Variants in FRAS1 observed in about 807,000 individuals in gnomAD.
FRAS1 encodes the protein Fraser extracellular matrix complex subunit 1, also known as extracellular matrix organizing protein FRAS1.
Under a neutral mutation model 435.2 loss-of-function variants are expected in FRAS1, and 290 were observed. The observed-to-expected ratio is 0.67, with a 90% CI of 0.61 to 0.73. The LOEUF (loss-of-function observed/expected upper bound fraction) is 0.73. FRAS1 is among the 30% of genes least tolerant of loss of function. The pLI is 0.00. For synonymous variants in FRAS1, 1,800 were observed against 1,851.0 expected, an observed-to-expected ratio of 0.97 and a Z score of 0.71; for missense variants, 4,860 against 5,001.5, an observed-to-expected ratio of 0.97 and a Z score of 0.85.
intron 50 of FRAS1, 51 bp downstream of exon 50, chr4:78,466,486 C>A: frequency 2.2e-6 from 3 of 1,333,710 alleles, no homozygotes; most frequent in Admixed American, 3.8e-5. Context: ...ATGGCAGAGG[C>A]AGAACATGGA....
rs373158280 is a variant in FRAS1 at position 78,157,385 on chromosome 4, T to C, written c.109-80125T>C. ...CAAGTGGTAGTTTTATTTTTAGTTC[T>C]TTAGAAATTTCCAAATGCTTTCCAT... is the stretch of plus-strand genomic sequence containing the variant. On this transcript the variant is annotated intron_variant, in intron 2 of 73. Transcript: ENST00000512123. 5.9e-5 allele frequency among the ~76,000 whole-genome samples: 9 copies of C among 152,348 alleles called. No homozygotes were observed. In the East Asian group the frequency reaches 1.2e-3, roughly 20 times the overall value.
intron 47 of FRAS1, among the ~76,000 whole-genome samples, chr4:78,463,274 A>G (rs542847717): frequency 7.9e-5 from 12 of 152,268 alleles, no homozygotes; most frequent in African/African-American, 2.9e-4. Flanking sequence ...TTTCTTTCAA[A>G]TTTTTTGTTT....
chr4:78,082,984 C>T lies in FRAS1; in HGVS notation c.108+16968C>T, dbSNP rs140673002. Among the ~76,000 whole-genome samples, 345 of 152,178 alleles carry T rather than the reference C, an allele frequency of 2.3e-3. 3 individuals carry two copies. The highest frequency in any genetic ancestry group is 7.7e-3 in the African/African-American group (318 of 41,522). ...AGAACATTAGACTGCATGGAGTCAG[C>T]ACAGATGAGACATAGGCTTTCCTTT... On this transcript the variant is annotated intron_variant, in intron 2 of 73. Coordinates refer to ENST00000512123, the MANE Select transcript of FRAS1 (RefSeq NM_025074.7).
intron 18 of FRAS1, among the ~76,000 whole-genome samples, chr4:78,331,038 C>T (rs2110255740): frequency 1.3e-5 from 2 of 152,282 alleles, no homozygotes; most frequent in East Asian, 3.9e-4. Context: ...CTCTTTTGTA[C>T]TCTGTCCCTT....
At chr4:78,333,133 T>C in intron 18 of FRAS1, 139 bp from the exon 19 acceptor site, 1 of 885,800 alleles carries the variant, frequency 1.1e-6, no homozygotes, top group Non-Finnish European at 1.6e-6. Context: ...GTGTGTGAGA[T>C]GTGCAGCCTG....
At chr4:78,344,586 A>ATTTTTTT (rs112149675) in intron 20 of FRAS1, among the ~76,000 whole-genome samples, 15 of 141,688 alleles carry the variant, frequency 1.1e-4, no homozygotes, top group African/African-American at 4.0e-4. Flanking sequence ...CTCAAGAATG[A>ATTTTTTT]TTTTTTTTTT....
At chr4:78,449,074 T>A (rs1166481635) in intron 44 of FRAS1, among the ~76,000 whole-genome samples, 1 of 152,240 alleles carries the variant, frequency 6.6e-6, no homozygotes, top group African/African-American at 2.4e-5. Flanking sequence ...ATCCTACTTA[T>A]AAGCTAATAA....
chr4:78,381,112 T>C (rs1872265), intron 27 of FRAS1, among the ~76,000 whole-genome samples: 95,792 of 151,500 alleles, frequency 0.63, 30,403 homozygotes, highest in African/African-American at 0.66. Context: ...GATTCCACAA[T>C]GCATGCCTTT....
intron 14 of FRAS1, among the ~76,000 whole-genome samples, chr4:78,304,088 G>A (rs1027142503): frequency 4.0e-5 from 6 of 150,034 alleles, no homozygotes; most frequent in African/African-American, 1.5e-4. Flanking sequence ...TTTGTCAAAG[G>A]CCTTTTCTGC....
At chr4:78,122,135 A>G (rs759555777) in intron 2 of FRAS1, among the ~76,000 whole-genome samples, 5 of 151,534 alleles carry the variant, frequency 3.3e-5, no homozygotes, top group Non-Finnish European at 7.4e-5. Flanking sequence ...CTAGCCCCCC[A>G]TCCCCCACAG....
At chr4:78,151,444 T>C (rs72860663) in intron 2 of FRAS1, among the ~76,000 whole-genome samples, 3,594 of 152,264 alleles carry the variant, frequency 0.024, 148 homozygotes, top group African/African-American at 0.081. Flanking sequence ...TCATCATTAG[T>C]AGTTAGTTGT....
At chr4:78,267,126 G>A (rs776288154) in intron 8 of FRAS1, 115 bp from the exon 9 acceptor site, 77 of 1,101,736 alleles carry the variant, frequency 7.0e-5, no homozygotes, top group South Asian at 1.9e-4. Flanking sequence ...ATCGTGGGTC[G>A]GGCCAGAGAA....
intron 2 of FRAS1, among the ~76,000 whole-genome samples, chr4:78,149,017 G>A (rs1202030709): frequency 1.3e-5 from 2 of 152,122 alleles, no homozygotes; most frequent in African/African-American, 4.8e-5. Flanking sequence ...TTTGGGGAGA[G>A]CTATTTCAAT....
intron 2 of FRAS1, 103 bp from the exon 3 acceptor site, chr4:78,237,407 T>C (rs1236211458): frequency 1.3e-6 from 1 of 757,814 alleles, no homozygotes; most frequent in Non-Finnish European, 2.3e-6. Context: ...GACTTTTCTT[T>C]GTCTTGTAAT....
At chr4:78,451,014 C>A (rs935785748) in intron 45 of FRAS1, among the ~76,000 whole-genome samples, 4 of 152,092 alleles carry the variant, frequency 2.6e-5, no homozygotes, top group Non-Finnish European at 5.9e-5. Context: ...CACACTAACA[C>A]CTAAAATTGA....
chr4:78,535,627 C>T (rs1262144046), intron 71 of FRAS1, among the ~76,000 whole-genome samples: 1 of 152,122 alleles, frequency 6.6e-6, no homozygotes, highest in Non-Finnish European at 1.5e-5. Context: ...AGTCTGACTC[C>T]TAGACATTTC....
At chr4:78,314,091 T>G (rs1353141137) in intron 15 of FRAS1, among the ~76,000 whole-genome samples, 3 of 152,094 alleles carry the variant, frequency 2.0e-5, no homozygotes, top group Admixed American at 2.0e-4. Flanking sequence ...CTGTACTAGT[T>G]TTTTTTTCTT....
chr4:78,461,257 G>A (rs1260631045), intron 47 of FRAS1, among the ~76,000 whole-genome samples: 1 of 151,986 alleles, frequency 6.6e-6, no homozygotes, highest in Non-Finnish European at 1.5e-5. Context: ...CTCTTTAATA[G>A]GCATATATTA....
chr4:78,379,813 A>T lies in FRAS1; in HGVS notation c.3380A>T (p.Asn1127Ile). 1 of 1,613,684 alleles carries T rather than the reference A, an allele frequency of 6.2e-7. No homozygotes were observed. The highest frequency in any genetic ancestry group is 8.5e-7 in the Non-Finnish European group (1 of 1,179,754). The change falls in exon 27 of 74, where the codon AAT (asparagine) becomes ATT (isoleucine). Residue 1127 changes from asparagine (N) to isoleucine (I), a missense_variant. Coordinates refer to ENST00000512123, the MANE Select transcript of FRAS1 (RefSeq NM_025074.7). Reference protein sequence around the residue: ...SIKPLDFSLLNVQDQEGRVED... With the variant: ...SIKPLDFSLLIVQDQEGRVED... Reference sequence around the variant, plus strand: ...AAGCCACTGGATTTTTCCCTCCTGAATGTCCAAGACCAGGAGGGTAGGGTC... The same window carrying T: ...AAGCCACTGGATTTTTCCCTCCTGATTGTCCAAGACCAGGAGGGTAGGGTC...
Sources: allele counts gnomAD v4.1 joint callset (sites outside exome capture counted in the v4.1 genomes callset), GRCh38; gene constraint gnomAD v4.1.1; transcripts MANE v1.5; gene names NCBI Gene and HGNC (gene_info 2026-07-23, HGNC 2026-07-21).